TLE3: variants seen among roughly 807,000 people sequenced by gnomAD.
The protein encoded by TLE3 is transducin-like enhancer protein 3.
In TLE3, 14 loss-of-function variants were observed where a neutral mutation model predicts 93.0. That is an observed-to-expected ratio of 0.15 (90% CI 0.10 to 0.24). The LOEUF is 0.24. TLE3 is among the 10% of genes least tolerant of loss of function. TLE3 has a pLI of 1.00. For missense variants in TLE3, 693 were observed against 1,046.6 expected (o/e 0.66, Z 4.66); for synonymous variants, 451 against 425.0 (o/e 1.06, Z -0.75).
chr15:70,052,299 C>T, intron 18 of TLE3, 75 bp downstream of exon 18: 2 of 1,569,322 alleles, frequency 1.3e-6, no homozygotes, highest in Non-Finnish European at 8.7e-7. Flanking sequence ...TTGGGCCCCT[C>T]TTCTGTCCTG....
At chr15:70,089,667 A>G (rs757160652) in intron 4 of TLE3, among the ~76,000 whole-genome samples, 10 of 152,244 alleles carry the variant, frequency 6.6e-5, no homozygotes, top group Non-Finnish European at 1.2e-4. Flanking sequence ...ACCTACAAAA[A>G]TGAGACGAGG....
chr15:70,096,116 C>T (rs1195063110), intron 2 of TLE3, 45 bp downstream of exon 2: 4 of 1,532,524 alleles, frequency 2.6e-6, no homozygotes, highest in South Asian at 2.4e-5. Context: ...GCGCAGGGGA[C>T]CCACCCCTCC....
intron 6 of TLE3, among the ~76,000 whole-genome samples, chr15:70,071,303 G>C (rs924562632): frequency 6.6e-6 from 1 of 152,206 alleles, no homozygotes; most frequent in African/African-American, 2.4e-5. Context: ...AGCTAGAAGA[G>C]AGACAATCTT....
chr15:70,050,021 C>A lies in TLE3; in HGVS notation c.*76G>T. The A allele has an allele frequency of 5.3e-6, 7 of 1,329,904 alleles. No homozygotes were observed. The highest frequency in any genetic ancestry group is 5.4e-6 in the Non-Finnish European group (5 of 929,070). 82.4% of individuals were successfully genotyped at this position (1,329,904 alleles called of 1,614,324 possible). On this transcript the variant is annotated 3_prime_UTR_variant, in exon 20 of 20. Coordinates refer to ENST00000451782, the MANE Select transcript of TLE3 (RefSeq NM_001105192.3). ...GGCCCATCCTCCGCCATCCTCGGGG[C>A]CCCTCGCCTGGGGGTCTCCCTGTCA... is the stretch of plus-strand genomic sequence containing the variant.
intron 4 of TLE3, among the ~76,000 whole-genome samples, chr15:70,086,865 AC>A (rs1455889312): frequency 6.7e-6 from 1 of 150,314 alleles, no homozygotes; most frequent in Non-Finnish European, 1.5e-5. Flanking sequence ...TCGCACCCCC[AC>A]CCTGCCTTCT....
chr15:70,091,852 A>T (rs1372288022), intron 4 of TLE3, among the ~76,000 whole-genome samples: 11 of 152,194 alleles, frequency 7.2e-5, no homozygotes, highest in African/African-American at 9.6e-5. Context: ...TTTTAAAAAA[A>T]ATATGTGGTG....
chr15:70,065,969 G>GCCCCC, intron 7 of TLE3, 45 bp downstream of exon 7: 17 of 1,294,400 alleles, frequency 1.3e-5, no homozygotes, highest in East Asian at 4.7e-5. Context: ...GAGCGCCCAT[G>GCCCCC]CCCACCCCTG....
chr15:70,079,431 C>A, intron 4 of TLE3: 2 of 452,648 alleles, frequency 4.4e-6, no homozygotes. Context: ...CGTAAAAGTT[C>A]TCCCAACGTA....
In TLE3 at chr15:70,097,095, T is replaced by C. The variant is rs2058603288; in HGVS notation, c.-297A>G. ...CAGCGGCCGGCCGCCTTCCCTGGGCTGCGTCGAGCGCGTCAATGCCTGGGA... is the reference window on the plus strand; with the variant it reads ...CAGCGGCCGGCCGCCTTCCCTGGGCCGCGTCGAGCGCGTCAATGCCTGGGA... On this transcript the variant is annotated 5_prime_UTR_variant, in exon 1 of 20. Coordinates refer to ENST00000451782, the MANE Select transcript of TLE3 (RefSeq NM_001105192.3). The C allele has an allele frequency of 2.1e-6, 1 of 472,070 alleles. No homozygotes were observed. Among genetic ancestry groups the C allele is most frequent in the Admixed American group, 4.4e-5 (1 of 22,700 alleles). The allele number at this position is 472,070 out of a possible 1,614,324, so 29.2% of individuals were successfully genotyped here. A position where few individuals can be genotyped will look rare whatever the true frequency, so the allele number is the denominator to read the frequency against.
chr15:70,096,595 G>C, intron 1 of TLE3, 180 bp downstream of exon 1: 29 of 1,531,826 alleles, frequency 1.9e-5, no homozygotes, highest in Non-Finnish European at 2.4e-5. Context: ...CGCGCCACTC[G>C]CGCGGAATTA....
intron 4 of TLE3, among the ~76,000 whole-genome samples, chr15:70,086,334 T>C (rs1211251122): frequency 6.6e-6 from 1 of 152,170 alleles, no homozygotes; most frequent in Non-Finnish European, 1.5e-5. Flanking sequence ...GCCAGTATTA[T>C]CAGAATTAAT....
intron 16 of TLE3, 194 bp downstream of exon 16, chr15:70,054,244 C>T: frequency 2.8e-6 from 2 of 711,956 alleles, no homozygotes; most frequent in Non-Finnish European, 4.4e-6. Context: ...ACTCCTGGGC[C>T]CAATGGCCCT....
intron 4 of TLE3, among the ~76,000 whole-genome samples, chr15:70,083,776 T>C (rs75404152): frequency 0.072 from 10,933 of 151,928 alleles, 531 homozygotes; most frequent in Middle Eastern, 0.14. Flanking sequence ...TCTCCCCCCA[T>C]CAGGTCAGCA....
chr15:70,091,001 T>C (rs1291116157), intron 4 of TLE3, among the ~76,000 whole-genome samples: 1 of 152,206 alleles, frequency 6.6e-6, no homozygotes, highest in African/African-American at 2.4e-5. Flanking sequence ...TCTTGAGTCT[T>C]ACAGAAAAGA....
chr15:70,058,437 C>A lies in TLE3; in HGVS notation c.919-146G>T. 7.1e-7 allele frequency: 1 copy of A among 1,410,884 alleles called. No individual in the cohort carries two copies. Among genetic ancestry groups the A allele is most frequent in the Non-Finnish European group, 9.6e-7 (1 of 1,043,242 alleles). 87.4% of individuals were successfully genotyped at this position (1,410,884 alleles called of 1,614,324 possible). A position where few individuals can be genotyped will look rare whatever the true frequency, so the allele number is the denominator to read the frequency against. On this transcript the variant is annotated intron_variant, in intron 11 of 19. Transcript: ENST00000451782. The surrounding 1 kb of genome is among the most constrained non-coding windows in gnomAD (Gnocchi z 4.1). ...GAACAGCCTCTCAATCCTTGCCCAACCTTGTTTGGCAGGGACTGGGGTGAT... is the reference window on the plus strand; with the variant it reads ...GAACAGCCTCTCAATCCTTGCCCAAACTTGTTTGGCAGGGACTGGGGTGAT...
intron 8 of TLE3, 166 bp from the exon 9 acceptor site, chr15:70,060,815 G>GCCTT (rs2056422933): frequency 8.2e-7 from 1 of 1,212,920 alleles, no homozygotes; most frequent in African/African-American, 1.5e-5. Flanking sequence ...TGCCAGGGAA[G>GCCTT]CCTTCCCCAC....
chr15:70,050,150 T>G lies in TLE3; in HGVS notation c.2257A>C (p.Ile753Leu). 1.2e-6 allele frequency: 2 copies of G among 1,614,154 alleles called. No individual in the cohort carries two copies. The highest frequency in any genetic ancestry group is 1.7e-6 in the Non-Finnish European group (2 of 1,179,970). The stretch of plus-strand genomic sequence containing the variant: ...TTCTTGTCACCAGAGCCTGTTACAA[T>G]GTATTTGTCATCCGCTGAAATGTCA... ...SCDISADDKY[I>L]VTGSGDKKAT... Residue 753 changes from isoleucine to leucine, a missense_variant, in exon 20 of 20, where the codon ATT becomes CTT. This residue lies in a region of TLE3 where 153 missense variants were observed against 379.9 expected (regional missense o/e 0.40). Transcript: ENST00000451782.
At position 70,052,425 on chromosome 15, in the gene TLE3, G is replaced by C. The variant is rs561095183; in HGVS notation, c.2074C>G (p.Gln692Glu). The C allele has an allele frequency of 1.3e-5, 21 of 1,614,038 alleles. No homozygotes were observed. The South Asian group carries it at 2.2e-4, about 17-fold the overall frequency. Residue 692 changes from glutamine to glutamate, a missense_variant, in exon 18 of 20, where the codon CAG (glutamine) becomes GAG (glutamate). Physicochemically the swap from Gln to Glu is conservative, Grantham distance 29. Around this residue, in one of 4 missense-constraint regions of TLE3, gnomAD observed 153 missense variants for 379.9 expected, o/e 0.40. Transcript: ENST00000451782. The part of the protein sequence containing the change: ...VLHHTKPDKY[Q>E]LHLHESCVLS... ...ACGCAGCTCTCGTGCAGGTGCAGCT[G>C]GTACTTGTCAGGCTTGGTGTGGTGC...
In TLE3 at chr15:70,074,516, T is replaced by C. The variant is rs369128245; in HGVS notation, c.372+17A>G. On this transcript the variant is annotated intron_variant, in intron 6 of 19. Coordinates refer to ENST00000451782, the MANE Select transcript of TLE3 (RefSeq NM_001105192.3). ...GGCTATACACACGGTAAGAGGCAGA[T>C]TGGGGAGTCCACGTACCCCGATGAT... 7.9e-5 allele frequency: 127 copies of C among 1,609,356 alleles called. No individual in the cohort carries two copies. The highest frequency in any genetic ancestry group is 4.8e-4 in the South Asian group (43 of 90,216).
Sources: gnomAD v4.1 joint callset for allele counts (sites outside exome capture counted in the v4.1 genomes callset) on GRCh38, gnomAD v4.1.1 for gene constraint, gnomAD v4.1.1 regional missense constraint, Gnocchi (gnomAD v3.1) non-coding constraint, MANE v1.5 for transcripts, NCBI Gene and HGNC (gene_info 2026-07-23, HGNC 2026-07-21) for gene names.